Variants in NXN observed in about 807,000 individuals in gnomAD.
The protein encoded by NXN is nucleoredoxin, also known as nucleoredoxin 1.
A neutral mutation model predicts 48.6 loss-of-function variants in NXN; 16 were observed. The observed-to-expected ratio is 0.33, with a 90% CI of 0.22 to 0.50. The LOEUF is 0.50. NXN is among the 20% of genes least tolerant of loss of function. The pLI is 0.98. For missense variants in NXN, 492 were observed against 605.5 expected (o/e 0.81, Z 1.97); for synonymous variants, 281 against 269.6 (o/e 1.04, Z -0.41).
chr17:880,884 T>C (rs1434764218), intron 1 of NXN, among the ~76,000 whole-genome samples: 4 of 152,040 alleles, frequency 2.6e-5, no homozygotes, highest in Admixed American at 6.6e-5. Flanking sequence ...CAGATGAAAA[T>C]GGAAGGCCTC....
intron 5 of NXN, among the ~76,000 whole-genome samples, chr17:810,700 A>G (rs1317701701): frequency 2.0e-5 from 3 of 151,802 alleles, no homozygotes; most frequent in South Asian, 4.2e-4. Flanking sequence ...GACCAGCCTG[A>G]CCAACATGGT....
intron 1 of NXN, among the ~76,000 whole-genome samples, chr17:852,890 C>T (rs2067939791): frequency 6.6e-6 from 1 of 152,184 alleles, no homozygotes; most frequent in African/African-American, 2.4e-5. Flanking sequence ...CCCCAGGACA[C>T]CTCAGAGTCC....
At chr17:972,520 G>A (rs909450112) in intron 1 of NXN, among the ~76,000 whole-genome samples, 4 of 152,036 alleles carry the variant, frequency 2.6e-5, no homozygotes, top group Non-Finnish European at 5.9e-5. Context: ...CCTATGCCAA[G>A]CCTGTGCTCT....
chr17:814,365 G>A (rs1031948234), intron 5 of NXN, among the ~76,000 whole-genome samples: 7 of 152,080 alleles, frequency 4.6e-5, no homozygotes, highest in South Asian at 2.1e-4. Context: ...GGCAACCCAC[G>A]GGCCCTCACA....
In NXN at chr17:865,916, G is replaced by C. The variant is rs535983864; in HGVS notation, c.361-39838C>G. On this transcript the variant is annotated intron_variant, in intron 1 of 7. Coordinates refer to ENST00000336868, the MANE Select transcript of NXN (RefSeq NM_022463.5). ...GAGAATCGCTTGAACCCGGGAGGTG[G>C]AGGTTGCAGTGAGCTAAGATCGCGG... Among the ~76,000 whole-genome samples the C allele has an allele frequency of 1.6e-4, 25 of 152,124 alleles. No homozygotes were observed. The East Asian group carries it at 4.9e-3, about 30-fold the overall frequency.
chr17:828,521 C>A (rs552374674), intron 1 of NXN, among the ~76,000 whole-genome samples: 2 of 151,654 alleles, frequency 1.3e-5, no homozygotes, highest in Admixed American at 1.3e-4. Context: ...CTTGCCTCAG[C>A]CTCCCGAGTA....
At chr17:928,550 G>A (rs1567505183) in intron 1 of NXN, among the ~76,000 whole-genome samples, 1 of 152,128 alleles carries the variant, frequency 6.6e-6, no homozygotes, top group Non-Finnish European at 1.5e-5. Context: ...AAAAAGTACT[G>A]GAAGGTTGGG....
At chr17:916,131 AG>A (rs2068686706) in intron 1 of NXN, among the ~76,000 whole-genome samples, 1 of 152,236 alleles carries the variant, frequency 6.6e-6, no homozygotes, top group African/African-American at 2.4e-5. Flanking sequence ...ATTGCTTCCA[AG>A]GAAAAGTAAC....
chr17:808,352 G>C (rs1363304039), intron 5 of NXN, among the ~76,000 whole-genome samples: 1 of 150,612 alleles, frequency 6.6e-6, no homozygotes, highest in Non-Finnish European at 1.5e-5. Flanking sequence ...GCCCAGGCTG[G>C]AGTGCAGTGG....
rs190679749 is a variant in NXN, at chr17:830,926, G to A, written c.361-4848C>T. Among the ~76,000 whole-genome samples, 565 of 152,046 alleles carry A rather than the reference G, an allele frequency of 3.7e-3. 2 individuals are homozygous for A. Among genetic ancestry groups the A allele is most frequent in the Non-Finnish European group, 6.5e-3 (441 of 68,014 alleles). ...GAGGCAGGAGAATCACTTGAACCCG[G>A]GAGGCGGAGGTTGCTGTGAGCCGAG... On this transcript the variant is annotated intron_variant, in intron 1 of 7. Coordinates refer to ENST00000336868, the MANE Select transcript of NXN (RefSeq NM_022463.5). The surrounding 1 kb of genome is among the most constrained non-coding windows in gnomAD (Gnocchi z 4.2).
intron 1 of NXN, chr17:959,098 C>T (rs928242364): frequency 1.5e-5 from 5 of 338,430 alleles, no homozygotes; most frequent in African/African-American, 8.7e-5. Flanking sequence ...GGAGGCGCGT[C>T]GACCTGATGT....
rs2068733669 is a variant in NXN at position 920,338 on chromosome 17, A to G, written c.360+58981T>C. ...TGTTCAAATTCAGCCAAGGGGGCCG[A>G]TGAGGTGCCCATGTGGCTCTCCTCC... On this transcript the variant is annotated intron_variant, in intron 1 of 7. Coordinates refer to ENST00000336868, the MANE Select transcript of NXN (RefSeq NM_022463.5). The surrounding 1 kb of genome is among the most constrained non-coding windows in gnomAD (Gnocchi z 4.6). Among the ~76,000 whole-genome samples, 1 of 152,150 alleles carries G rather than the reference A, an allele frequency of 6.6e-6. No individual in the cohort carries two copies. Among genetic ancestry groups the G allele is most frequent in the Admixed American group, 6.5e-5 (1 of 15,284 alleles).
At chr17:871,701 C>A (rs991182829) in intron 1 of NXN, among the ~76,000 whole-genome samples, 1 of 152,156 alleles carries the variant, frequency 6.6e-6, no homozygotes, top group African/African-American at 2.4e-5. Context: ...CCGCGCCCAG[C>A]TGCATTTGCT....
In NXN at chr17:979,749, G is replaced by GGCGTCGGCGGCA; in HGVS notation, c.-83_-72dup. 1 of 1,218,996 alleles carries GGCGTCGGCGGCA rather than the reference G, an allele frequency of 8.2e-7. No individual in the cohort carries two copies. 75.5% of individuals were successfully genotyped at this position (1,218,996 alleles called of 1,614,324 possible). The stretch of plus-strand genomic sequence containing the variant: ...GGTCCGCGCGGCGGGAGGAGGCGGC[G>GGCGTCGGCGGCA]GCGTCGGCGGCAGGCGCTGGGGAGA... On this transcript the variant is annotated 5_prime_UTR_variant, in exon 1 of 8. Transcript: ENST00000336868.
chr17:826,639 C>A (rs1242968941), intron 1 of NXN, among the ~76,000 whole-genome samples: 1 of 152,212 alleles, frequency 6.6e-6, no homozygotes, highest in African/African-American at 2.4e-5. Flanking sequence ...GGTTTTCTGA[C>A]AGAAGGCCAC....
intron 1 of NXN, among the ~76,000 whole-genome samples, chr17:912,593 C>T (rs1220276976): frequency 1.3e-5 from 2 of 151,978 alleles, no homozygotes; most frequent in Non-Finnish European, 2.9e-5. Context: ...GTTTATGTGT[C>T]TTTCTCTGTT....
intron 1 of NXN, among the ~76,000 whole-genome samples, chr17:963,206 C>G (rs930978927): frequency 4.2e-5 from 6 of 144,142 alleles, no homozygotes; most frequent in Admixed American, 4.0e-4. Flanking sequence ...GGTATAGGTA[C>G]TGGGACGGAC....
intron 1 of NXN, among the ~76,000 whole-genome samples, chr17:868,649 G>A (rs550749863): frequency 5.3e-5 from 8 of 152,120 alleles, no homozygotes; most frequent in South Asian, 2.1e-4. Context: ...CCACCACCAC[G>A]CCCGGATCAT....
intron 1 of NXN, among the ~76,000 whole-genome samples, chr17:891,596 T>C (rs1397576344): frequency 6.6e-6 from 1 of 152,222 alleles, no homozygotes; most frequent in African/African-American, 2.4e-5. Context: ...GAGGCTATGA[T>C]GCTTCAACAC....
Sources: allele counts gnomAD v4.1 joint callset (sites outside exome capture counted in the v4.1 genomes callset), GRCh38; gene constraint gnomAD v4.1.1; non-coding constraint Gnocchi (gnomAD v3.1); transcripts MANE v1.5; gene names NCBI Gene and HGNC (gene_info 2026-07-23, HGNC 2026-07-21).